The following TMEM59 variants were observed in gnomAD, a reference collection of about 807,000 sequenced individuals.
TMEM59 encodes dendritic cell factor 1.
A neutral mutation model predicts 42.2 loss-of-function variants in TMEM59; 44 were observed. The ratio of observed to expected loss-of-function variants is 1.04; its 90% CI spans 0.82 to 1.34. The LOEUF (loss-of-function observed/expected upper bound fraction) is 1.34, where lower values mean the gene tolerates loss of function less well. TMEM59 is among the 40% of genes most tolerant of loss of function. The pLI, the probability that TMEM59 is intolerant of heterozygous loss-of-function variation, is 0.00. For missense variants in TMEM59, 359 were observed against 382.8 expected, an observed-to-expected ratio of 0.94 and a Z score of 0.52; for synonymous variants, 148 against 145.8, an observed-to-expected ratio of 1.02 and a Z score of -0.11.
chr1:54,045,681 T>C lies in TMEM59; in HGVS notation c.390+11A>G, dbSNP rs773829939. ...AAGCAGGCTAGTTTGAAAGGCAGTA[T>C]TGTTTCGTACTTGTTCTTGTCTCAG... On this transcript the variant is annotated intron_variant, in intron 3 of 7. Coordinates refer to ENST00000234831, the MANE Select transcript of TMEM59 (RefSeq NM_004872.5). 83 of 1,613,818 alleles carry C rather than the reference T, an allele frequency of 5.1e-5. No individual in the cohort carries two copies. The highest frequency in any genetic ancestry group is 7.0e-5 in the Non-Finnish European group (82 of 1,179,834).
rs772364081 is a variant in TMEM59 at position 54,041,744 on chromosome 1, G to T, written c.605C>A (p.Ser202Ter). The change falls in exon 5 of 8, where the codon TCA becomes TAA. Residue 202 changes from serine (S) to a stop codon, truncating the protein, a stop_gained. Coordinates refer to ENST00000234831, the MANE Select transcript of TMEM59 (RefSeq NM_004872.5). LOFTEE classifies it high-confidence loss of function. ...LEQEPTNLRE[S>*]SLSKMSYLQM... ...CTTACAGGACATTTTGCTTAGAGAT[G>T]ATTCTCTCAAATTTGTAGGCTCCTG... 5.1e-5 allele frequency: 82 copies of T among 1,613,548 alleles called. No homozygotes were observed. Among genetic ancestry groups the T allele is most frequent in the Non-Finnish European group, 7.0e-5 (82 of 1,179,764 alleles).
chr1:54,047,262 C>T lies in TMEM59; in HGVS notation c.295+5G>A. 6.2e-7 allele frequency: 1 copy of T among 1,610,662 alleles called. No individual in the cohort carries two copies. Among genetic ancestry groups the T allele is most frequent in the East Asian group, 2.2e-5 (1 of 44,834 alleles). Reference sequence around the variant, plus strand: ...ACAGCTGATGTCGTTAGCATAGCATCTTACCAGATTCACATTCCAATTTAG... The same window carrying T: ...ACAGCTGATGTCGTTAGCATAGCATTTTACCAGATTCACATTCCAATTTAG... On this transcript the variant is annotated splice_donor_5th_base_variant and intron_variant, in intron 2 of 7. Coordinates refer to ENST00000234831, the MANE Select transcript of TMEM59 (RefSeq NM_004872.5).
Position 54,032,044 on chromosome 1 carries a change from T to G in TMEM59, c.*106A>C, listed in dbSNP as rs1316880911. The G allele has an allele frequency of 2.9e-6, 3 of 1,025,914 alleles. No individual in the cohort carries two copies. The African/African-American group carries it at 4.8e-5, about 17-fold the overall frequency. 63.6% of individuals were successfully genotyped at this position (1,025,914 alleles called of 1,614,324 possible). On this transcript the variant is annotated 3_prime_UTR_variant, in exon 8 of 8. Coordinates refer to ENST00000234831, the MANE Select transcript of TMEM59 (RefSeq NM_004872.5). ...CAGATTTGAGTAACTTTATTTGCATTTTATAGTGATTTCTTAAGGCCTATA... is the reference window on the plus strand; with the variant it reads ...CAGATTTGAGTAACTTTATTTGCATGTTATAGTGATTTCTTAAGGCCTATA...
intron 3 of TMEM59, chr1:54,044,831 T>C (rs1410350794): frequency 1.3e-5 from 2 of 152,156 alleles, no homozygotes. Flanking sequence ...GAATATTATG[T>C]AGTAGAAAAA....
At chr1:54,037,458 G>A (rs1006735967) in intron 6 of TMEM59, among the ~76,000 whole-genome samples, 3 of 152,144 alleles carry the variant, frequency 2.0e-5, no homozygotes, top group Admixed American at 6.5e-5. Context: ...ACTCATGGGC[G>A]CAAGCCATTC....
At chr1:54,045,830 G>A in intron 2 of TMEM59, 44 bp from the exon 3 acceptor site, 3 of 1,506,374 alleles carry the variant, frequency 2.0e-6, no homozygotes, top group Non-Finnish European at 1.8e-6. Context: ...AAAAGAGAAA[G>A]GGAAAGAGGA....
chr1:54,039,669 T>C (rs957361199), intron 6 of TMEM59, among the ~76,000 whole-genome samples: 2 of 152,184 alleles, frequency 1.3e-5, no homozygotes, highest in African/African-American at 4.8e-5. Flanking sequence ...TACTGCAGTT[T>C]TATACTTGAG....
chr1:54,040,723 T>C, intron 6 of TMEM59, 33 bp downstream of exon 6: 1 of 1,504,106 alleles, frequency 6.6e-7, no homozygotes, highest in Non-Finnish European at 9.1e-7. Flanking sequence ...CCAGATTTTA[T>C]CTGTTATACA....
chr1:54,041,769 G>GCAAATTTGTAGGCAC lies in TMEM59; in HGVS notation c.579_580insGTGCCTACAAATTTG (p.Glu193_Gln194insValProThrAsnLeu). The GCAAATTTGTAGGCAC allele has an allele frequency of 1.2e-6, 2 of 1,613,590 alleles. No homozygotes were observed. The highest frequency in any genetic ancestry group is 1.7e-6 in the Non-Finnish European group (2 of 1,179,728). On this transcript the variant is annotated inframe_insertion, in exon 5 of 8. Transcript: ENST00000234831. ...GATTCTCTCAAATTTGTAGGCTCCTGCTCCAAATGTGGTGCGTACTGGATT... is the reference window on the plus strand; with the variant it reads ...GATTCTCTCAAATTTGTAGGCTCCTGCAAATTTGTAGGCACCTCCAAATGTGGTGCGTACTGGATT...
Position 54,026,914 on chromosome 1 carries a change from T to C in TMEM59, c.*5236A>G, listed in dbSNP as rs1191167913. 1 of 152,150 alleles carries C rather than the reference T, an allele frequency of 6.6e-6. No homozygotes were observed. The highest frequency in any genetic ancestry group is 2.4e-5 in the African/African-American group (1 of 41,422). The allele number at this position is 152,150 out of a possible 1,614,324, so 9.4% of individuals were successfully genotyped here. On this transcript the variant is annotated 3_prime_UTR_variant, in exon 8 of 8. Transcript: ENST00000234831. Reference sequence around the variant, plus strand: ...AAAACCATTCAAGCATAAAAAAGCATGCAAGAGGCAGTAAAATAAGCCCAA... The same window carrying C: ...AAAACCATTCAAGCATAAAAAAGCACGCAAGAGGCAGTAAAATAAGCCCAA...
At chr1:54,040,925 GA>G in intron 5 of TMEM59, 88 bp from the exon 6 acceptor site, 1 of 1,018,530 alleles carries the variant, frequency 9.8e-7, no homozygotes, top group South Asian at 1.4e-5. Context: ...ACACTTTACA[GA>G]TATCCAATTG....
intron 7 of TMEM59, chr1:54,033,139 T>C (rs1656821459): frequency 6.6e-6 from 1 of 152,480 alleles, no homozygotes; most frequent in Non-Finnish European, 1.5e-5. Context: ...TCTTTTTTTT[T>C]TTTAAATGAT....
chr1:54,045,818 A>T (rs1315715643), intron 2 of TMEM59, 32 bp from the exon 3 acceptor site: 23 of 1,558,326 alleles, frequency 1.5e-5, no homozygotes, highest in Non-Finnish European at 1.8e-5. Context: ...ATTACAAGAA[A>T]CAAAAGAGAA....
At chr1:54,045,618 G>A (rs55646421) in intron 3 of TMEM59, 74 bp downstream of exon 3, 468 of 1,387,770 alleles carry the variant, frequency 3.4e-4, no homozygotes, top group Non-Finnish European at 4.5e-4. Flanking sequence ...GATCAAGTGG[G>A]TGATAAACAC....
rs904247406 is a variant in TMEM59, at chr1:54,032,001, T to G, written c.*149A>C. ...TACAAAAACAATACCAATAAAGTTA[T>G]AGCAAATACAGTCTTCACAGATTTG... On this transcript the variant is annotated 3_prime_UTR_variant, in exon 8 of 8. Coordinates refer to ENST00000234831, the MANE Select transcript of TMEM59 (RefSeq NM_004872.5). 1.6e-6 allele frequency: 1 copy of G among 616,368 alleles called. No homozygotes were observed. The highest frequency in any genetic ancestry group is 2.5e-6 in the Non-Finnish European group (1 of 401,528). 38.2% of individuals were successfully genotyped at this position (616,368 alleles called of 1,614,324 possible). A position where few individuals can be genotyped will look rare whatever the true frequency, so the allele number is the denominator to read the frequency against.
chr1:54,040,068 T>A (rs1057024079), intron 6 of TMEM59, among the ~76,000 whole-genome samples: 14 of 152,200 alleles, frequency 9.2e-5, no homozygotes, highest in South Asian at 2.1e-4. Flanking sequence ...AGAGTCTTTA[T>A]CCAGCTCTTC....
chr1:54,053,425 GC>G (rs1483858586), upstream of TMEM59: 5 of 544,758 alleles, frequency 9.2e-6, no homozygotes, highest in African/African-American at 7.6e-5. Flanking sequence ...AAGCGTTAGC[GC>G]GAAGCGGGGC....
chr1:54,048,650 T>C (rs780774278), intron 1 of TMEM59: 46 of 445,498 alleles, frequency 1.0e-4, no homozygotes, highest in South Asian at 7.5e-4. Flanking sequence ...CTCGACTTAC[T>C]ATGTGATCCA....
At position 54,030,733 on chromosome 1, in the gene TMEM59, A is replaced by AGCATG. The variant is rs1656741279; in HGVS notation, c.*1416_*1417insCATGC. 6.6e-6 allele frequency: 1 copy of AGCATG among 152,190 alleles called. No homozygotes were observed. The highest frequency in any genetic ancestry group is 1.5e-5 in the Non-Finnish European group (1 of 68,038). 9.4% of individuals were successfully genotyped at this position (152,190 alleles called of 1,614,324 possible). On this transcript the variant is annotated 3_prime_UTR_variant, in exon 8 of 8. Transcript: ENST00000234831. ...TATCATCCAAATCTAGACAAACTAA[A>AGCATG]AATAAAAACCTACACTTTGTGACCA...
Sources: allele counts gnomAD v4.1 joint callset (sites outside exome capture counted in the v4.1 genomes callset), GRCh38; gene constraint gnomAD v4.1.1; transcripts MANE v1.5; gene names NCBI Gene and HGNC (gene_info 2026-07-23, HGNC 2026-07-21).